The following GLIS3 variants were observed in gnomAD, a reference collection of about 807,000 sequenced individuals.
GLIS3 encodes the protein zinc finger protein GLIS3.
GLIS3 carries 53 observed loss-of-function variants against 78.6 expected under a neutral mutation model. The observed-to-expected ratio is 0.67, with a 90% CI of 0.54 to 0.85. The LOEUF (loss-of-function observed/expected upper bound fraction) is 0.85. Among genes scored for constraint, GLIS3 ranks in the 40% least tolerant of loss-of-function variants. The probability of loss-of-function intolerance (pLI) is 0.00; values close to 1 mark genes in which losing one functional copy is unlikely to be tolerated. For missense variants in GLIS3, 1,703 were observed against 1,231.1 expected (o/e 1.38, Z -5.74); for synonymous variants, 684 against 509.9 (o/e 1.34, Z -4.60).
chr9:4,376,936 C>T, the GLIS3 span, among the ~76,000 whole-genome samples: 2 of 134,766 alleles, frequency 1.5e-5, no homozygotes, highest in Non-Finnish European at 3.3e-5. Context: ...CTGATTAGTG[C>T]AATGGCAAAG....
At chr9:4,090,397 C>T (rs1829396948) in intron 4 of GLIS3, among the ~76,000 whole-genome samples, 1 of 151,634 alleles carries the variant, frequency 6.6e-6, no homozygotes. Flanking sequence ...GACTTGGTTA[C>T]AGTACCCAGG....
Position 3,882,637 on chromosome 9 carries a change from G to A in GLIS3, c.2129-3042C>T, listed in dbSNP as rs546217894. ...GCCAGTCAAGCCCACGTCAACTGGT[G>A]TTGACTGACCACCAGTCAAGCCCAC... On this transcript the variant is annotated intron_variant, in intron 7 of 10. Coordinates refer to ENST00000381971, the MANE Select transcript of GLIS3 (RefSeq NM_001042413.2). Among the ~76,000 whole-genome samples, 7 of 152,268 alleles carry A rather than the reference G, an allele frequency of 4.6e-5. No homozygotes were observed. The South Asian group carries it at 1.4e-3, about 31-fold the overall frequency.
chr9:4,485,365 G>A, the GLIS3 span, among the ~76,000 whole-genome samples: 71 of 152,152 alleles, frequency 4.7e-4, no homozygotes, highest in African/African-American at 1.7e-3. Context: ...CTGAGGACTG[G>A]CTGACTACAC....
At chr9:4,227,567 C>G (rs191761909) in intron 2 of GLIS3, among the ~76,000 whole-genome samples, 175 of 152,224 alleles carry the variant, frequency 1.1e-3, no homozygotes, top group African/African-American at 4.0e-3. Context: ...CTATTGACTG[C>G]AAGAGTGACT....
chr9:4,156,228 G>A (rs780518423), intron 2 of GLIS3, among the ~76,000 whole-genome samples: 1 of 152,044 alleles, frequency 6.6e-6, no homozygotes, highest in African/African-American at 2.4e-5. Flanking sequence ...CATTCACATA[G>A]AAATAAGGTT....
chr9:4,317,848 G>A (rs1241357676), intron 2 of GLIS3, among the ~76,000 whole-genome samples: 1 of 152,186 alleles, frequency 6.6e-6, no homozygotes. Flanking sequence ...AGAGTACTCT[G>A]TAAACTTTAA....
At chr9:4,037,547 AACACACACACAC>A (rs56254712) in intron 4 of GLIS3, among the ~76,000 whole-genome samples, 6 of 147,486 alleles carry the variant, frequency 4.1e-5, no homozygotes, top group East Asian at 4.0e-4. Flanking sequence ...GTGTGCACAC[AACACACACACAC>A]ACACACACAC....
At chr9:3,989,950 A>C (rs192544733) in intron 4 of GLIS3, among the ~76,000 whole-genome samples, 1 of 152,352 alleles carries the variant, frequency 6.6e-6, no homozygotes, top group Non-Finnish European at 1.5e-5. Context: ...GGTTGATATC[A>C]TACTGCAGAG....
At chr9:4,098,834 G>T (rs1163738597) in intron 4 of GLIS3, among the ~76,000 whole-genome samples, 1 of 152,086 alleles carries the variant, frequency 6.6e-6, no homozygotes, top group Admixed American at 6.6e-5. Context: ...CCCCAAATTA[G>T]TTCTCACGTA....
chr9:4,447,806 C>T, the GLIS3 span, among the ~76,000 whole-genome samples: 1 of 152,226 alleles, frequency 6.6e-6, no homozygotes, highest in South Asian at 2.1e-4. Context: ...GCCTCCTGAG[C>T]CCAGTCCTCT....
intron 2 of GLIS3, among the ~76,000 whole-genome samples, chr9:4,139,438 C>G (rs1369663288): frequency 2.0e-5 from 3 of 152,218 alleles, no homozygotes; most frequent in Admixed American, 6.5e-5. Flanking sequence ...AGTCATGATG[C>G]TAAAGAAGAC....
chr9:4,104,789 A>G lies in GLIS3; in HGVS notation c.1710+12979T>C, dbSNP rs368067502. On this transcript the variant is annotated intron_variant, in intron 4 of 10. Transcript: ENST00000381971. ...GAACTTTCCTCCCCCAGGTATCTGC[A>G]TTATTTATTATCTTCCCCCTCCAGA... Among the ~76,000 whole-genome samples the G allele has an allele frequency of 8.5e-5, 13 of 152,272 alleles. No individual in the cohort carries two copies. The East Asian group carries it at 1.7e-3, about 20-fold the overall frequency.
At chr9:4,257,961 G>C (rs1825139314) in intron 2 of GLIS3, among the ~76,000 whole-genome samples, 1 of 152,014 alleles carries the variant, frequency 6.6e-6, no homozygotes, top group African/African-American at 2.4e-5. Flanking sequence ...TATCTAATTT[G>C]AAGATTTTTA....
chr9:4,110,882 G>A (rs148648564), intron 4 of GLIS3, among the ~76,000 whole-genome samples: 16 of 152,252 alleles, frequency 1.1e-4, no homozygotes, highest in Non-Finnish European at 1.5e-4. Context: ...AGAATCAGAC[G>A]ACCGCTTCTT....
At chr9:4,367,932 G>A in the GLIS3 span, among the ~76,000 whole-genome samples, 1 of 152,168 alleles carries the variant, frequency 6.6e-6, no homozygotes, top group African/African-American at 2.4e-5. Flanking sequence ...TAAGTTCAGA[G>A]AGGTTTGTGT....
chr9:4,153,871 G>A (rs1834862662), intron 2 of GLIS3, among the ~76,000 whole-genome samples: 2 of 152,204 alleles, frequency 1.3e-5, no homozygotes, highest in South Asian at 4.1e-4. Context: ...TATCTCTTGT[G>A]GTTCTAGGGG....
At chr9:4,488,885 T>G in the GLIS3 span, among the ~76,000 whole-genome samples, 2,249 of 152,070 alleles carry the variant, frequency 0.015, 29 homozygotes, top group Non-Finnish European at 0.025. Context: ...TTTTCTTTTT[T>G]TTTGACAGTC....
intron 2 of GLIS3, among the ~76,000 whole-genome samples, chr9:4,242,570 G>A (rs1823418974): frequency 6.6e-6 from 1 of 152,138 alleles, no homozygotes. Flanking sequence ...TCTCACAACA[G>A]GCTCCCCATA....
At chr9:4,077,872 A>G (rs958145787) in intron 4 of GLIS3, among the ~76,000 whole-genome samples, 1 of 152,160 alleles carries the variant, frequency 6.6e-6, no homozygotes, top group Non-Finnish European at 1.5e-5. Context: ...TCCCAGCTCC[A>G]TACCTTCCTC....
Sources: gnomAD v4.1 joint callset for allele counts (sites outside exome capture counted in the v4.1 genomes callset) on GRCh38, gnomAD v4.1.1 for gene constraint, MANE v1.5 for transcripts, NCBI Gene and HGNC (gene_info 2026-07-23, HGNC 2026-07-21) for gene names.